Variants in KATNBL1 observed in about 807,000 individuals in gnomAD.
KATNBL1 encodes KATNB1-like protein 1.
A neutral mutation model predicts 44.7 loss-of-function variants in KATNBL1; 28 were observed. That is an observed-to-expected ratio of 0.63 (90% CI 0.46 to 0.86). The LOEUF (loss-of-function observed/expected upper bound fraction) is 0.86, where lower values mean the gene tolerates loss of function less well. KATNBL1 is among the 40% of genes least tolerant of loss of function. The pLI is 0.00. For missense variants in KATNBL1, 272 were observed against 350.7 expected (o/e 0.78, Z 1.79); for synonymous variants, 78 against 114.9 (o/e 0.68, Z 2.06).
intron 1 of KATNBL1, among the ~76,000 whole-genome samples, chr15:34,169,802 G>A (rs1306537771): frequency 2.0e-5 from 3 of 152,138 alleles, no homozygotes; most frequent in Non-Finnish European, 2.9e-5. Context: ...ATCAGTAAAC[G>A]TAATCCATCG....
At chr15:34,151,072 C>T (rs1005795798) in intron 4 of KATNBL1, among the ~76,000 whole-genome samples, 6 of 152,144 alleles carry the variant, frequency 3.9e-5, no homozygotes, top group Non-Finnish European at 4.4e-5. Flanking sequence ...GATGAACATA[C>T]GCATACATGT....
chr15:34,172,241 T>C (rs887790932), intron 1 of KATNBL1, among the ~76,000 whole-genome samples: 9 of 141,488 alleles, frequency 6.4e-5, no homozygotes, highest in Non-Finnish European at 1.4e-4. Context: ...ACAGAGTCCT[T>C]GGGAGGAACA....
chr15:34,180,154 A>G (rs1302623390), intron 1 of KATNBL1, among the ~76,000 whole-genome samples: 1 of 151,610 alleles, frequency 6.6e-6, no homozygotes, highest in African/African-American at 2.4e-5. Flanking sequence ...TCCGTGATCA[A>G]CTCCTATACT....
chr15:34,154,366 C>A (rs1373722612), intron 3 of KATNBL1, among the ~76,000 whole-genome samples: 1 of 152,138 alleles, frequency 6.6e-6, no homozygotes, highest in Non-Finnish European at 1.5e-5. Context: ...ACTTTTCTAG[C>A]TATATGATTC....
At chr15:34,146,587 A>G in intron 8 of KATNBL1, 174 bp downstream of exon 8, 4 of 546,202 alleles carry the variant, frequency 7.3e-6, no homozygotes, top group Admixed American at 6.6e-5. Context: ...CTGGAATTCA[A>G]TTTCCAGGTG....
chr15:34,147,108 T>C, intron 7 of KATNBL1, 92 bp downstream of exon 7: 1 of 748,832 alleles, frequency 1.3e-6, no homozygotes, highest in Non-Finnish European at 2.3e-6. Context: ...ACCTTGCATG[T>C]CTCATGGAGC....
intron 1 of KATNBL1, among the ~76,000 whole-genome samples, chr15:34,206,124 G>A (rs1332891564): frequency 1.3e-5 from 2 of 152,154 alleles, no homozygotes; most frequent in African/African-American, 2.4e-5. Flanking sequence ...TTAGCGTTGC[G>A]ACTTACAGTA....
At chr15:34,168,796 C>G (rs908348902) in intron 1 of KATNBL1, among the ~76,000 whole-genome samples, 1 of 152,148 alleles carries the variant, frequency 6.6e-6, no homozygotes, top group Non-Finnish European at 1.5e-5. Flanking sequence ...CACTCAAAAC[C>G]ATACAACTAC....
intron 1 of KATNBL1, among the ~76,000 whole-genome samples, chr15:34,166,507 A>G (rs191569019): frequency 3.3e-5 from 5 of 152,392 alleles, no homozygotes; most frequent in Non-Finnish European, 7.3e-5. Flanking sequence ...CTCTGGGGTC[A>G]GGGCATAGCT....
intron 1 of KATNBL1, among the ~76,000 whole-genome samples, chr15:34,190,522 T>C (rs991897949): frequency 1.3e-5 from 2 of 152,234 alleles, no homozygotes; most frequent in South Asian, 2.1e-4. Context: ...AACTCTTGTA[T>C]ACTCAAAATT....
intron 4 of KATNBL1, among the ~76,000 whole-genome samples, chr15:34,149,858 A>T (rs969360526): frequency 3.3e-5 from 5 of 152,244 alleles, no homozygotes; most frequent in African/African-American, 1.2e-4. Context: ...AGACAGTGAG[A>T]CAGTGAGACC....
intron 1 of KATNBL1, among the ~76,000 whole-genome samples, chr15:34,205,714 T>C (rs901701514): frequency 6.6e-6 from 1 of 152,184 alleles, no homozygotes; most frequent in South Asian, 2.1e-4. Context: ...AAATTTTATC[T>C]TTCCCCAGCA....
chr15:34,155,140 A>G (rs750556993), intron 2 of KATNBL1, among the ~76,000 whole-genome samples: 1 of 152,206 alleles, frequency 6.6e-6, no homozygotes, highest in Non-Finnish European at 1.5e-5. Flanking sequence ...TGAGGAAGTT[A>G]AACTTTAAAA....
intron 1 of KATNBL1, among the ~76,000 whole-genome samples, chr15:34,205,879 G>A (rs1345092131): frequency 2.6e-5 from 4 of 152,126 alleles, no homozygotes; most frequent in Admixed American, 2.6e-4. Flanking sequence ...TCCATCCTAA[G>A]ATTTCTTCCT....
intron 2 of KATNBL1, among the ~76,000 whole-genome samples, chr15:34,161,861 A>G (rs1888818836): frequency 6.6e-6 from 1 of 152,192 alleles, no homozygotes; most frequent in African/African-American, 2.4e-5. Flanking sequence ...ACTAGGGGCA[A>G]GGAGGCATAA....
intron 9 of KATNBL1, among the ~76,000 whole-genome samples, chr15:34,144,292 AC>A (rs1229955070): frequency 2.0e-5 from 3 of 151,906 alleles, no homozygotes; most frequent in African/African-American, 7.2e-5. Flanking sequence ...CCTCAAGGCT[AC>A]CTAGGTTTGC....
rs184784005 is a variant in KATNBL1, at chr15:34,165,492, T to C, written c.-14-1802A>G. The stretch of plus-strand genomic sequence containing the variant: ...GTGATGGCAATAACATTTTGGAAAA[T>C]GCAAAGCTAAAAGTGGTAACTTGAT... On this transcript the variant is annotated intron_variant, in intron 1 of 9. Transcript: ENST00000256544. 3.3e-5 allele frequency among the ~76,000 whole-genome samples: 5 copies of C among 152,162 alleles called. No homozygotes were observed. In the East Asian group the frequency reaches 9.6e-4, roughly 29 times the overall value.
At chr15:34,142,741 C>T (rs1213490177) in intron 9 of KATNBL1, 2 of 255,986 alleles carry the variant, frequency 7.8e-6, no homozygotes, top group Non-Finnish European at 1.5e-5. Flanking sequence ...GAGACAGAGT[C>T]TTGCTCTGTC....
Position 34,147,488 on chromosome 15 carries a change from A to G in KATNBL1, c.558-58T>C, listed in dbSNP as rs202128690. ...AGAGCTGATTTCCTTATTTACTTTC[A>G]TATTATGATTATTCACACCGCTTTT... On this transcript the variant is annotated intron_variant, in intron 5 of 9. Coordinates refer to ENST00000256544, the MANE Select transcript of KATNBL1 (RefSeq NM_024713.3). 8 of 1,345,816 alleles carry G rather than the reference A, an allele frequency of 5.9e-6. No individual in the cohort carries two copies. The East Asian group carries it at 1.8e-4, about 31-fold the overall frequency. 83.4% of individuals were successfully genotyped at this position (1,345,816 alleles called of 1,614,324 possible).
Sources: allele counts gnomAD v4.1 joint callset (sites outside exome capture counted in the v4.1 genomes callset), GRCh38; gene constraint gnomAD v4.1.1; transcripts MANE v1.5; gene names NCBI Gene and HGNC (gene_info 2026-07-23, HGNC 2026-07-21).